Variants in EEA1 observed in about 807,000 individuals in gnomAD.
EEA1 encodes early endosome antigen 1.
Under a neutral mutation model 209.2 loss-of-function variants are expected in EEA1, and 111 were observed. The ratio of observed to expected loss-of-function variants is 0.53; its 90% CI spans 0.45 to 0.62. The LOEUF (loss-of-function observed/expected upper bound fraction) is 0.62, where lower values mean the gene tolerates loss of function less well. Ranked by LOEUF, EEA1 falls within the 20% of genes least tolerant of loss-of-function variation. The probability of loss-of-function intolerance (pLI) is 0.00; values close to 1 mark genes in which losing one functional copy is unlikely to be tolerated. For synonymous variants in EEA1, 536 were observed against 540.6 expected, an observed-to-expected ratio of 0.99 and a Z score of 0.12; for missense variants, 1,343 against 1,530.8, an observed-to-expected ratio of 0.88 and a Z score of 2.05.
At chr12:92,915,185 G>A (rs1488553594) in intron 1 of EEA1, among the ~76,000 whole-genome samples, 4 of 152,150 alleles carry the variant, frequency 2.6e-5, no homozygotes, top group African/African-American at 7.2e-5. Context: ...TTTAAAAGCT[G>A]TCCAGGCACA....
In EEA1 at chr12:92,858,994, A is replaced by G. The variant is rs552746014; in HGVS notation, c.246-1509T>C. On this transcript the variant is annotated intron_variant, in intron 3 of 28. Coordinates refer to ENST00000322349, the MANE Select transcript of EEA1 (RefSeq NM_003566.4). Reference sequence around the variant, plus strand: ...TGCCTATGCTGCTCATTCAGTGGCAAAATCCCTTGTTAAAGGAGGTCTGTG... The same window carrying G: ...TGCCTATGCTGCTCATTCAGTGGCAGAATCCCTTGTTAAAGGAGGTCTGTG... 1,533 of 684,978 alleles carry G rather than the reference A, an allele frequency of 2.2e-3. 2 individuals are homozygous for G. The highest frequency in any genetic ancestry group is 3.4e-3 in the Non-Finnish European group (1,267 of 376,784). 42.4% of individuals were successfully genotyped at this position (684,978 alleles called of 1,614,324 possible).
intron 1 of EEA1, among the ~76,000 whole-genome samples, chr12:92,894,686 C>T (rs950704129): frequency 2.6e-5 from 4 of 152,138 alleles, no homozygotes; most frequent in Non-Finnish European, 5.9e-5. Flanking sequence ...TTGAAGGTAG[C>T]AGAGGTTGGT....
At chr12:92,927,213 T>C (rs1271642670) in intron 1 of EEA1, among the ~76,000 whole-genome samples, 4 of 152,190 alleles carry the variant, frequency 2.6e-5, no homozygotes, top group Non-Finnish European at 5.9e-5. Flanking sequence ...AGGGGAATGC[T>C]ACTGGCATCT....
At position 92,813,288 on chromosome 12, in the gene EEA1, A is replaced by G. The variant is rs190893848; in HGVS notation, c.1930-195T>C. On this transcript the variant is annotated intron_variant, in intron 15 of 28. Transcript: ENST00000322349. Reference sequence around the variant, plus strand: ...ATGATAGGGGAGAAGACTCCTAATAATGCTGGATAAATAATAAAAAGATAT... The same window carrying G: ...ATGATAGGGGAGAAGACTCCTAATAGTGCTGGATAAATAATAAAAAGATAT... Among the ~76,000 whole-genome samples, 4 of 152,330 alleles carry G rather than the reference A, an allele frequency of 2.6e-5. No homozygotes were observed. The East Asian group carries it at 7.7e-4, about 29-fold the overall frequency.
chr12:92,859,433 G>A (rs2136717448), intron 3 of EEA1, among the ~76,000 whole-genome samples: 1 of 152,290 alleles, frequency 6.6e-6, no homozygotes, highest in South Asian at 2.1e-4. Context: ...TAGCTTTTGT[G>A]GGTAAGTTGG....
intron 10 of EEA1, among the ~76,000 whole-genome samples, chr12:92,838,922 T>C (rs900662301): frequency 6.6e-6 from 1 of 152,142 alleles, no homozygotes; most frequent in Admixed American, 6.5e-5. Context: ...CTTTTTTTTT[T>C]ATGAAACACC....
chr12:92,813,513 C>A (rs999847928), intron 15 of EEA1, among the ~76,000 whole-genome samples: 1 of 152,130 alleles, frequency 6.6e-6, no homozygotes, highest in Non-Finnish European at 1.5e-5. Context: ...CTCAAAACAG[C>A]CAGACAACTG....
intron 1 of EEA1, 38 bp from the exon 2 acceptor site, chr12:92,891,759 C>T: frequency 1.4e-6 from 2 of 1,403,620 alleles, no homozygotes; most frequent in East Asian, 2.3e-5. Flanking sequence ...AAAAACAAAG[C>T]AGACATTAAC....
chr12:92,829,889 C>T lies in EEA1; in HGVS notation c.1255-1828G>A, dbSNP rs540051136. Among the ~76,000 whole-genome samples, 16 of 147,458 alleles carry T rather than the reference C, an allele frequency of 1.1e-4. No individual in the cohort carries two copies. The East Asian group carries it at 2.8e-3, about 26-fold the overall frequency. ...GAGTTCAGAGTCTATTAAAGAAAGA[C>T]ATAAATTATGATAATAAACTATATT... On this transcript the variant is annotated intron_variant, in intron 11 of 28. Transcript: ENST00000322349.
Position 92,857,498 on chromosome 12 carries a change from G to A in EEA1, c.246-13C>T, listed in dbSNP as rs1230858305. On this transcript the variant is annotated splice_polypyrimidine_tract_variant and intron_variant, in intron 3 of 28. Transcript: ENST00000322349. Reference sequence around the variant, plus strand: ...TGTTACATCATCTCTAAATAAAAATGGGAGGAAGGAATTAATAGTCAATGT... The same window carrying A: ...TGTTACATCATCTCTAAATAAAAATAGGAGGAAGGAATTAATAGTCAATGT... 1 of 1,552,028 alleles carries A rather than the reference G, an allele frequency of 6.4e-7. No individual in the cohort carries two copies.
chr12:92,809,313 GTTAT>G (rs1235630639), intron 17 of EEA1, among the ~76,000 whole-genome samples, 157 bp from the exon 18 acceptor site: 1 of 151,774 alleles, frequency 6.6e-6, no homozygotes, highest in African/African-American at 2.4e-5. Context: ...TACTAAGGGT[GTTAT>G]TTATTTTAAA....
chr12:92,778,691 T>G (rs1295817926), intron 25 of EEA1, among the ~76,000 whole-genome samples: 1 of 152,110 alleles, frequency 6.6e-6, no homozygotes, highest in East Asian at 1.9e-4. Flanking sequence ...GCTTCCCATT[T>G]GGCATGTGCA....
chr12:92,817,044 G>T (rs4144988), intron 14 of EEA1, among the ~76,000 whole-genome samples: 139,617 of 151,092 alleles, frequency 0.92, 64,879 homozygotes, highest in East Asian at 1. Context: ...AAAAATTAAA[G>T]TTTTTTCATT....
At chr12:92,923,782 T>A (rs1031592617) in intron 1 of EEA1, among the ~76,000 whole-genome samples, 1 of 139,690 alleles carries the variant, frequency 7.2e-6, no homozygotes, top group South Asian at 2.2e-4. Context: ...TAGCACAAAA[T>A]AAATATTCGG....
rs1873738518 is a variant in EEA1 at position 92,778,058 on chromosome 12, G to A, written c.3776C>T (p.Ser1259Phe). ...NLGTVKKEWQSSQRRVSELEK... is the reference protein window; with the variant it reads ...NLGTVKKEWQFSQRRVSELEK... ...AAGCTCACTAACTCTCCGTTGACTA[G>A]ATTGCCACTCCTTCTTCACAGTGCC... Residue 1259 changes from serine (S) to phenylalanine (F), a missense_variant, in exon 26 of 29, where the codon TCT (serine) becomes TTT (phenylalanine). Ser to Phe is a radical substitution (Grantham distance 155). This residue lies in a region of EEA1 where 1,307 missense variants were observed against 1,465.5 expected (regional missense o/e 0.89). Coordinates refer to ENST00000322349, the MANE Select transcript of EEA1 (RefSeq NM_003566.4). The A allele has an allele frequency of 6.2e-7, 1 of 1,613,386 alleles. No homozygotes were observed. Among genetic ancestry groups the A allele is most frequent in the South Asian group, 1.1e-5 (1 of 91,076 alleles).
chr12:92,833,887 A>G (rs908265739), intron 10 of EEA1, among the ~76,000 whole-genome samples: 6 of 152,118 alleles, frequency 3.9e-5, no homozygotes, highest in Non-Finnish European at 8.8e-5. Context: ...TTAAGGCACA[A>G]TTTTTTTAAA....
At chr12:92,862,229 G>A (rs1178962967) in intron 3 of EEA1, among the ~76,000 whole-genome samples, 1 of 12,084 alleles carries the variant, frequency 8.3e-5, no homozygotes, top group African/African-American at 1.2e-3. Flanking sequence ...AACGCATGCA[G>A]TAACTTCCGT....
intron 18 of EEA1, among the ~76,000 whole-genome samples, chr12:92,807,440 G>A (rs974046070): frequency 1.3e-5 from 2 of 152,022 alleles, no homozygotes; most frequent in African/African-American, 4.8e-5. Flanking sequence ...GGATGTCCCA[G>A]CCAGCAAGAA....
At chr12:92,886,068 A>G (rs1320310376) in intron 2 of EEA1, among the ~76,000 whole-genome samples, 1 of 152,148 alleles carries the variant, frequency 6.6e-6, no homozygotes, top group Non-Finnish European at 1.5e-5. Flanking sequence ...TTCAAATACT[A>G]TAATGCTATA....
Sources: gnomAD v4.1 joint callset for allele counts (sites outside exome capture counted in the v4.1 genomes callset) on GRCh38, gnomAD v4.1.1 for gene constraint, gnomAD v4.1.1 regional missense constraint, MANE v1.5 for transcripts, NCBI Gene and HGNC (gene_info 2026-07-23, HGNC 2026-07-21) for gene names.